CFTR: variants seen among roughly 807,000 people sequenced by gnomAD.
CFTR encodes the protein CF transmembrane conductance regulator.
CFTR carries 181 observed loss-of-function variants against 171.6 expected under a neutral mutation model. That is an observed-to-expected ratio of 1.05 (90% CI 0.93 to 1.19). The LOEUF (loss-of-function observed/expected upper bound fraction) is 1.19, where lower values mean the gene tolerates loss of function less well. Among genes scored for constraint, CFTR ranks in the 50% most tolerant of loss-of-function variants. The pLI is 0.00. For synonymous variants in CFTR, 583 were observed against 608.0 expected, an observed-to-expected ratio of 0.96 and a Z score of 0.60; for missense variants, 1,968 against 1,734.7, an observed-to-expected ratio of 1.13 and a Z score of -2.39.
intron 22 of CFTR, among the ~76,000 whole-genome samples, chr7:117,639,930 G>A: frequency 6.6e-6 from 1 of 152,090 alleles, no homozygotes. Flanking sequence ...ATAATTACAA[G>A]AGTCTTCCAT....
Position 117,540,313 on chromosome 7 carries a change from G to A in CFTR, c.1083G>A (p.Trp361Ter). The change falls in exon 8 of 27, where the codon TGG becomes TGA. Residue 361 changes from tryptophan to a stop codon, truncating the protein, a stop_gained. Coordinates refer to ENST00000003084, the MANE Select transcript of CFTR (RefSeq NM_000492.4). LOFTEE classifies it high-confidence loss of function. ...AATTTCCCTGGGCTGTACAAACATG[G>A]TATGACTCTCTTGGAGCAATAAACA... The part of the protein sequence containing the change: ...TRQFPWAVQT[W>*]YDSLGAINKI... 1 of 1,613,874 alleles carries A rather than the reference G, an allele frequency of 6.2e-7. No homozygotes were observed. The highest frequency in any genetic ancestry group is 1.1e-5 in the South Asian group (1 of 91,076).
chr7:117,533,244 A>G (rs1163078384), intron 4 of CFTR, among the ~76,000 whole-genome samples: 2 of 152,034 alleles, frequency 1.3e-5, no homozygotes, highest in Non-Finnish European at 2.9e-5. Context: ...TGCTCTGATA[A>G]TGTTTTGGAA....
rs768305259 is a variant in CFTR at position 117,553,650 on chromosome 7, A to AT, written c.1392+4828dup. Among the ~76,000 whole-genome samples the AT allele has an allele frequency of 2.2e-3, 340 of 152,336 alleles. 1 individual carries two copies. The highest frequency in any genetic ancestry group is 3.4e-3 in the Non-Finnish European group (233 of 68,038). ...ATTCTTAACTTGCATTTCTTTTATT[A>AT]TAAGTAGTGTAAAATATCATTTCAA... is the stretch of plus-strand genomic sequence containing the variant. On this transcript the variant is annotated intron_variant, in intron 10 of 26. Transcript: ENST00000003084.
chr7:117,574,691 C>A (rs2115982843), intron 11 of CFTR, among the ~76,000 whole-genome samples: 1 of 152,192 alleles, frequency 6.6e-6, no homozygotes, highest in Non-Finnish European at 1.5e-5. Flanking sequence ...ATCATTCTTT[C>A]ACAAAACCCC....
chr7:117,480,198 G>A, intron 1 of CFTR, 51 bp downstream of exon 1: 3 of 1,566,520 alleles, frequency 1.9e-6, no homozygotes, highest in Non-Finnish European at 2.6e-6. Context: ...CACGAAAGAG[G>A]AGGGCGTGTG....
intron 3 of CFTR, among the ~76,000 whole-genome samples, chr7:117,529,571 T>C (rs1798821994): frequency 1.3e-5 from 2 of 149,120 alleles, no homozygotes; most frequent in Admixed American, 6.7e-5. Flanking sequence ...TTGGTTGACA[T>C]AGTTAATTAA....
chr7:117,488,929 A>C (rs1292735888), intron 1 of CFTR, among the ~76,000 whole-genome samples: 1 of 152,090 alleles, frequency 6.6e-6, no homozygotes, highest in Non-Finnish European at 1.5e-5. Context: ...TTAGCAATAC[A>C]TAAAGGTATA....
intron 10 of CFTR, among the ~76,000 whole-genome samples, chr7:117,552,722 T>C (rs1799293163): frequency 6.6e-6 from 1 of 152,128 alleles, no homozygotes; most frequent in African/African-American, 2.4e-5. Context: ...ATAATCAATA[T>C]ACATTTTTTA....
In CFTR at chr7:117,505,256, G is replaced by A. The variant is rs141306695; in HGVS notation, c.164+893G>A. Among the ~76,000 whole-genome samples the A allele has an allele frequency of 1.7e-3, 261 of 152,184 alleles. 2 individuals carry two copies. The highest frequency in any genetic ancestry group is 5.8e-3 in the African/African-American group (240 of 41,526). On this transcript the variant is annotated intron_variant, in intron 2 of 26. Transcript: ENST00000003084. ...CTGTATTGCCTTGCTCTCTAGGAAT[G>A]GTAGTCCCCCCCATAAAGAATCTCT...
intron 1 of CFTR, among the ~76,000 whole-genome samples, chr7:117,490,130 T>C (rs1220469217): frequency 6.6e-6 from 1 of 152,010 alleles, no homozygotes; most frequent in Non-Finnish European, 1.5e-5. Flanking sequence ...ATCCTAACTC[T>C]GTCACTTATT....
chr7:117,549,971 G>A (rs1352002531), intron 10 of CFTR, among the ~76,000 whole-genome samples: 3 of 152,072 alleles, frequency 2.0e-5, no homozygotes, highest in Non-Finnish European at 2.9e-5. Flanking sequence ...CTAAGATGAG[G>A]AGAACCATAT....
Position 117,603,612 on chromosome 7 carries a change from A to G in CFTR, c.2738A>G (p.Tyr913Cys), listed in dbSNP as rs121909008. Reference sequence around the variant, plus strand: ...GTGATTATCACCAGCACCAGTTCGTATTATGTGTTTTACATTTACGTGGGA... The same window carrying G: ...GTGATTATCACCAGCACCAGTTCGTGTTATGTGTTTTACATTTACGTGGGA... ...YAVIITSTSS[Y>C]YVFYIYVGVA... The change falls in exon 17 of 27, where the codon TAT becomes TGT. Residue 913 changes from tyrosine (Y) to cysteine (C), a missense_variant. Tyr to Cys is a radical substitution (Grantham distance 194). Coordinates refer to ENST00000003084, the MANE Select transcript of CFTR (RefSeq NM_000492.4). The G allele has an allele frequency of 2.5e-6, 4 of 1,613,944 alleles. No individual in the cohort carries two copies. The highest frequency in any genetic ancestry group is 2.7e-5 in the African/African-American group (2 of 74,926).
chr7:117,571,059 G>A (rs1281994669), intron 11 of CFTR, among the ~76,000 whole-genome samples: 1 of 152,076 alleles, frequency 6.6e-6, no homozygotes, highest in Non-Finnish European at 1.5e-5. Flanking sequence ...CTCCCCTTGG[G>A]AAAGAATCTC....
At chr7:117,538,026 C>T (rs1798986173) in intron 7 of CFTR, among the ~76,000 whole-genome samples, 1 of 152,104 alleles carries the variant, frequency 6.6e-6, no homozygotes, top group Non-Finnish European at 1.5e-5. Context: ...TGTTATTGTT[C>T]CCTCTTCCTC....
At position 117,582,951 on chromosome 7, in the gene CFTR, T is replaced by C. The variant is rs530742986; in HGVS notation, c.1585-4788T>C. 2.6e-5 allele frequency among the ~76,000 whole-genome samples: 4 copies of C among 152,284 alleles called. No individual in the cohort carries two copies. In the South Asian group the frequency reaches 6.2e-4, roughly 24 times the overall value. ...GAACTCTTCTGATCTCTTTCTCTAATATTTTTTCACCTTATTCATATGGGA... is the reference window on the plus strand; with the variant it reads ...GAACTCTTCTGATCTCTTTCTCTAACATTTTTTCACCTTATTCATATGGGA... On this transcript the variant is annotated intron_variant, in intron 11 of 26. Coordinates refer to ENST00000003084, the MANE Select transcript of CFTR (RefSeq NM_000492.4).
chr7:117,655,030 G>C (rs118156631), intron 24 of CFTR, among the ~76,000 whole-genome samples: 1,767 of 152,266 alleles, frequency 0.012, 20 homozygotes, highest in Middle Eastern at 0.041. Flanking sequence ...CCCACTGTCT[G>C]AATGCATAGC....
intron 3 of CFTR, among the ~76,000 whole-genome samples, chr7:117,514,345 T>G (rs972675458): frequency 3.9e-5 from 6 of 152,108 alleles, no homozygotes; most frequent in Admixed American, 1.3e-4. Flanking sequence ...TGTATGTTGT[T>G]CCCCTCTCTG....
At chr7:117,603,158 T>C (rs1164944391) in intron 16 of CFTR, among the ~76,000 whole-genome samples, 1 of 152,040 alleles carries the variant, frequency 6.6e-6, no homozygotes, top group Non-Finnish European at 1.5e-5. Context: ...CTGGACAATA[T>C]AGTGAGATCC....
At chr7:117,613,512 G>T (rs1343238189) in intron 20 of CFTR, among the ~76,000 whole-genome samples, 2 of 152,090 alleles carry the variant, frequency 1.3e-5, no homozygotes. Flanking sequence ...GGGGTGAATA[G>T]TAAATGTAAT....
Sources: allele counts gnomAD v4.1 joint callset (sites outside exome capture counted in the v4.1 genomes callset), GRCh38; gene constraint gnomAD v4.1.1; transcripts MANE v1.5; gene names NCBI Gene and HGNC (gene_info 2026-07-23, HGNC 2026-07-21).